Variants in NR5A2 observed in about 807,000 individuals in gnomAD.
NR5A2 encodes the protein nuclear receptor subfamily 5 group A member 2.
In NR5A2, 26 loss-of-function variants were observed where a neutral mutation model predicts 62.7. That is an observed-to-expected ratio of 0.41 (90% CI 0.30 to 0.58). The LOEUF (loss-of-function observed/expected upper bound fraction) is 0.58. NR5A2 is among the 20% of genes least tolerant of loss of function. NR5A2 has a pLI of 0.22. For synonymous variants in NR5A2, 246 were observed against 241.7 expected (o/e 1.02, Z -0.16); for missense variants, 541 against 669.1 (o/e 0.81, Z 2.11).
Position 200,147,251 on chromosome 1 carries a change from A to G in NR5A2, c.1378+26296A>G, listed in dbSNP as rs557063259. 9.8e-5 allele frequency among the ~76,000 whole-genome samples: 15 copies of G among 152,348 alleles called. No individual in the cohort carries two copies. Among genetic ancestry groups the G allele is most frequent in the African/African-American group, 3.6e-4 (15 of 41,586 alleles). On this transcript the variant is annotated intron_variant, in intron 7 of 7. Transcript: ENST00000367362. This position sits in a 1 kb window ranked among gnomAD's most constrained non-coding sequence, Gnocchi z 4.9. ...CGAGGCCGCTGCACCACGTGGTGTC[A>G]GGAGACCTTAGCAATGGCCCAGGTT... is the stretch of plus-strand genomic sequence containing the variant.
chr1:200,163,278 AAAG>A (rs1278395622), intron 7 of NR5A2, among the ~76,000 whole-genome samples: 10 of 151,094 alleles, frequency 6.6e-5, no homozygotes, highest in East Asian at 3.9e-4. Context: ...AAAAAAAAAA[AAAG>A]AAGAAGAAAG....
chr1:200,094,231 C>T (rs1467599670), intron 5 of NR5A2, among the ~76,000 whole-genome samples: 1 of 150,704 alleles, frequency 6.6e-6, no homozygotes, highest in African/African-American at 2.4e-5. Context: ...GTTGCCCAGG[C>T]TGGAGTGCAG....
At chr1:200,034,783 CTTTTTTTTTTTTTTT>C (rs767393832) in intron 1 of NR5A2, among the ~76,000 whole-genome samples, 15 of 71,284 alleles carry the variant, frequency 2.1e-4, no homozygotes, top group Admixed American at 9.9e-4. Context: ...AGCAGAAAGG[CTTTTTTTTTTTTTTT>C]TTTTTTTTTT....
chr1:200,055,054 G>A (rs1662847272), intron 5 of NR5A2, among the ~76,000 whole-genome samples: 1 of 151,742 alleles, frequency 6.6e-6, no homozygotes, highest in Non-Finnish European at 1.5e-5. Flanking sequence ...ATGCAACCAC[G>A]CTAGCTAATT....
chr1:200,143,320 C>T (rs1296802235), intron 7 of NR5A2, among the ~76,000 whole-genome samples: 2 of 152,110 alleles, frequency 1.3e-5, no homozygotes, highest in East Asian at 1.9e-4. Flanking sequence ...CAGTGGGGGC[C>T]CTGCTTTAAC....
intron 5 of NR5A2, among the ~76,000 whole-genome samples, chr1:200,091,091 G>T (rs1468706084): frequency 6.6e-6 from 1 of 152,096 alleles, no homozygotes; most frequent in African/African-American, 2.4e-5. Flanking sequence ...AGAATTAATG[G>T]GGAGACCATG....
intron 5 of NR5A2, among the ~76,000 whole-genome samples, chr1:200,069,068 G>A (rs1176502938): frequency 6.6e-6 from 1 of 152,016 alleles, no homozygotes; most frequent in Non-Finnish European, 1.5e-5. Context: ...GACACTCTGT[G>A]GTTATTCAGT....
At chr1:200,038,769 A>T in intron 1 of NR5A2, 1 of 1,359,478 alleles carries the variant, frequency 7.4e-7, no homozygotes, top group Non-Finnish European at 9.8e-7. Context: ...GCTTCTGACT[A>T]GCTGTAAGAC....
At chr1:200,157,467 C>T (rs1653440998) in intron 7 of NR5A2, among the ~76,000 whole-genome samples, 1 of 151,938 alleles carries the variant, frequency 6.6e-6, no homozygotes, top group Admixed American at 6.6e-5. Flanking sequence ...AGATATCTTA[C>T]TATTATCACT....
Position 200,120,924 on chromosome 1 carries a change from A to T in NR5A2, c.1347A>T (p.Val449=). 1 of 1,613,992 alleles carries T rather than the reference A, an allele frequency of 6.2e-7. No individual in the cohort carries two copies. Among genetic ancestry groups the T allele is most frequent in the Non-Finnish European group, 8.5e-7 (1 of 1,179,934 alleles). ...RSLQFDQREF[V]CLKFLVLFSL... ...TCCAGTTTGATCAACGAGAGTTCGT[A>T]TGTCTGAAATTCTTGGTGCTCTTTA... The change falls in exon 7 of 8, where the codon GTA becomes GTT. Residue 449 remains valine (V), a synonymous_variant. Transcript: ENST00000367362.
intron 5 of NR5A2, among the ~76,000 whole-genome samples, chr1:200,086,022 C>T (rs1664510736): frequency 1.3e-5 from 2 of 152,096 alleles, no homozygotes; most frequent in Non-Finnish European, 2.9e-5. Context: ...CACCTCTGTC[C>T]ATTCTAGAAT....
intron 5 of NR5A2, among the ~76,000 whole-genome samples, chr1:200,074,773 A>C (rs1663948402): frequency 1.5e-5 from 2 of 134,918 alleles, no homozygotes; most frequent in Non-Finnish European, 3.1e-5. Flanking sequence ...AGAAACACAA[A>C]TCTCAAACAC....
chr1:200,047,012 G>C (rs1342578098), intron 4 of NR5A2, among the ~76,000 whole-genome samples: 1 of 152,054 alleles, frequency 6.6e-6, no homozygotes, highest in African/African-American at 2.4e-5. Flanking sequence ...GCAATATTCT[G>C]TATACTTAGA....
chr1:200,028,789 C>G (rs973163574), intron 1 of NR5A2, among the ~76,000 whole-genome samples: 1 of 152,158 alleles, frequency 6.6e-6, no homozygotes, highest in African/African-American at 2.4e-5. Flanking sequence ...CTGTCATGAG[C>G]TCTCTGAGTC....
intron 1 of NR5A2, among the ~76,000 whole-genome samples, chr1:200,033,703 C>A (rs1052420408): frequency 6.6e-6 from 1 of 152,224 alleles, no homozygotes; most frequent in Non-Finnish European, 1.5e-5. Flanking sequence ...ACACTGTACA[C>A]CATCTCGTAA....
At chr1:200,114,336 AAAAAG>A (rs1202602687) in intron 6 of NR5A2, among the ~76,000 whole-genome samples, 5 of 144,926 alleles carry the variant, frequency 3.5e-5, no homozygotes, top group South Asian at 4.1e-4. Flanking sequence ...GAGGCAGAAA[AAAAAG>A]AAAAAAAGAA....
intron 7 of NR5A2, among the ~76,000 whole-genome samples, chr1:200,165,226 T>TCC (rs1179888529): frequency 6.6e-6 from 1 of 151,858 alleles, no homozygotes; most frequent in Non-Finnish European, 1.5e-5. Flanking sequence ...GTACAGAGAC[T>TCC]CCCCACATAA....
At position 200,067,343 on chromosome 1, in the gene NR5A2, G is replaced by A. The variant is rs183153105; in HGVS notation, c.1110+18525G>A. Among the ~76,000 whole-genome samples the A allele has an allele frequency of 3.3e-5, 5 of 152,330 alleles. No individual in the cohort carries two copies. The East Asian group carries it at 7.7e-4, about 24-fold the overall frequency. On this transcript the variant is annotated intron_variant, in intron 5 of 7. Coordinates refer to ENST00000367362, the MANE Select transcript of NR5A2 (RefSeq NM_205860.3). ...AGGCCAAGGCGGGGAGATCACTTGAGGTTGGGAGTTCAAGACCAGCCTAAC... is the reference window on the plus strand; with the variant it reads ...AGGCCAAGGCGGGGAGATCACTTGAAGTTGGGAGTTCAAGACCAGCCTAAC...
intron 5 of NR5A2, among the ~76,000 whole-genome samples, chr1:200,094,892 A>G (rs531680340): frequency 1.4e-4 from 21 of 152,186 alleles, no homozygotes; most frequent in Admixed American, 1.3e-3. Context: ...GCCTTTTTAG[A>G]CACCAGGCAC....
Sources: allele counts gnomAD v4.1 joint callset (sites outside exome capture counted in the v4.1 genomes callset), GRCh38; gene constraint gnomAD v4.1.1; non-coding constraint Gnocchi (gnomAD v3.1); transcripts MANE v1.5; gene names NCBI Gene and HGNC (gene_info 2026-07-23, HGNC 2026-07-21).